SH3RF2: variants seen among roughly 807,000 people sequenced by gnomAD.
The protein encoded by SH3RF2 is SH3 domain containing ring finger 2.
A neutral mutation model predicts 59.0 loss-of-function variants in SH3RF2; 43 were observed. That is an observed-to-expected ratio of 0.73 (90% CI 0.57 to 0.94). SH3RF2 has a LOEUF of 0.94. Among genes scored for constraint, SH3RF2 ranks in the 40% least tolerant of loss-of-function variants. The pLI is 0.00. For synonymous variants in SH3RF2, 391 were observed against 391.5 expected (o/e 1.00, Z 0.01); for missense variants, 930 against 940.1 (o/e 0.99, Z 0.14).
At chr5:146,010,444 G>C (rs1438925775) in intron 4 of SH3RF2, among the ~76,000 whole-genome samples, 2 of 152,150 alleles carry the variant, frequency 1.3e-5, no homozygotes, top group Non-Finnish European at 2.9e-5. Flanking sequence ...GATCCTTGAG[G>C]AATCGCCACA....
At chr5:145,988,492 T>A (rs1369133681) in intron 2 of SH3RF2, among the ~76,000 whole-genome samples, 1 of 152,062 alleles carries the variant, frequency 6.6e-6, no homozygotes, top group Non-Finnish European at 1.5e-5. Flanking sequence ...AGCCCCAATT[T>A]GTGGATGGTC....
chr5:146,075,529 G>A (rs528828992), intron 9 of SH3RF2, among the ~76,000 whole-genome samples: 2 of 152,280 alleles, frequency 1.3e-5, no homozygotes, highest in African/African-American at 4.8e-5. Context: ...TTGAGTGAAA[G>A]TACAGACAGA....
At chr5:146,025,075 A>AT (rs1761480699) in intron 5 of SH3RF2, among the ~76,000 whole-genome samples, 2 of 152,208 alleles carry the variant, frequency 1.3e-5, no homozygotes, top group South Asian at 4.1e-4. Context: ...CTTCCATAAT[A>AT]TTGAGCTATT....
chr5:145,937,973 C>T lies in SH3RF2; in HGVS notation c.45C>T (p.Cys15=), dbSNP rs200680123. The T allele has an allele frequency of 4.8e-4, 781 of 1,614,170 alleles. 1 individual carries two copies. Among genetic ancestry groups the T allele is most frequent in the Non-Finnish European group, 6.4e-4 (757 of 1,180,036 alleles). Residue 15 remains cysteine (C), a synonymous_variant, in exon 2 of 10, where the codon TGC becomes TGT. Transcript: ENST00000359120. ...TTGATCTTCTGGAGTGCCCTGTGTG[C>T]TTTGAGAAGCTCGATGTCACAGCCA... ...TLLDLLECPV[C]FEKLDVTAKV... is the part of the protein sequence containing the mutation.
intron 2 of SH3RF2, among the ~76,000 whole-genome samples, chr5:145,981,879 C>T (rs541470066): frequency 2.0e-5 from 3 of 152,292 alleles, no homozygotes; most frequent in Admixed American, 6.5e-5. Flanking sequence ...AGCAGCAGTG[C>T]TTCTAGAGGC....
chr5:146,015,040 G>A (rs1490651345), intron 5 of SH3RF2, among the ~76,000 whole-genome samples: 1 of 152,124 alleles, frequency 6.6e-6, no homozygotes, highest in Non-Finnish European at 1.5e-5. Flanking sequence ...AACTCAACTT[G>A]TGCTGATGTG....
At chr5:145,952,520 CAAT>C (rs1269229072) in intron 2 of SH3RF2, among the ~76,000 whole-genome samples, 2 of 152,132 alleles carry the variant, frequency 1.3e-5, no homozygotes, top group South Asian at 2.1e-4. Context: ...TTCTACATTT[CAAT>C]AATAATAACC....
downstream of SH3RF2, among the ~76,000 whole-genome samples, chr5:146,064,714 GAAAGA>G (rs1763026196): frequency 3.8e-5 from 1 of 26,230 alleles, no homozygotes; most frequent in African/African-American, 1.4e-4. Flanking sequence ...AAGAAAGAAA[GAAAGA>G]AAGAAAGAAA....
intron 2 of SH3RF2, chr5:145,997,821 G>C: frequency 6.9e-7 from 1 of 1,456,520 alleles, no homozygotes; most frequent in South Asian, 1.1e-5. Flanking sequence ...ATCCCCCGCC[G>C]AAATAGAAGT....
chr5:145,978,327 C>T (rs1261484110), intron 2 of SH3RF2, among the ~76,000 whole-genome samples: 1 of 152,318 alleles, frequency 6.6e-6, no homozygotes, highest in East Asian at 1.9e-4. Context: ...CTGGCCAGCA[C>T]ATTCATAGAA....
At chr5:145,994,198 A>C (rs1402461845) in intron 2 of SH3RF2, among the ~76,000 whole-genome samples, 1 of 152,182 alleles carries the variant, frequency 6.6e-6, no homozygotes, top group Non-Finnish European at 1.5e-5. Flanking sequence ...AGACCACCTC[A>C]GCCTGGACCT....
intron 7 of SH3RF2, among the ~76,000 whole-genome samples, chr5:146,051,577 G>A (rs969577497): frequency 1.3e-5 from 2 of 152,098 alleles, no homozygotes; most frequent in Non-Finnish European, 2.9e-5. Flanking sequence ...GATCCAAGGT[G>A]AGAGCAAGTT....
intron 2 of SH3RF2, among the ~76,000 whole-genome samples, chr5:145,969,729 T>A (rs1019366085): frequency 6.6e-6 from 1 of 151,134 alleles, no homozygotes; most frequent in African/African-American, 2.4e-5. Context: ...AGCGAGACAC[T>A]CTTTCTAAAA....
chr5:146,064,280 G>A (rs1387643248), downstream of SH3RF2, among the ~76,000 whole-genome samples: 1 of 151,990 alleles, frequency 6.6e-6, no homozygotes, highest in African/African-American at 2.4e-5. Flanking sequence ...CCCTGACAGG[G>A]TGAGGAAAGA....
At chr5:146,027,218 G>T (rs73313903) in intron 5 of SH3RF2, among the ~76,000 whole-genome samples, 3 of 152,188 alleles carry the variant, frequency 2.0e-5, no homozygotes, top group South Asian at 2.1e-4. Flanking sequence ...CTGTAATTCC[G>T]TGTGAACCCA....
chr5:146,027,080 ATC>A (rs1377753468), intron 5 of SH3RF2, among the ~76,000 whole-genome samples: 1 of 152,198 alleles, frequency 6.6e-6, no homozygotes, highest in Non-Finnish European at 1.5e-5. Context: ...TTCAGAGATG[ATC>A]TGTTGGAGCC....
chr5:146,020,661 A>G (rs1483969476), intron 5 of SH3RF2, among the ~76,000 whole-genome samples: 1 of 152,156 alleles, frequency 6.6e-6, no homozygotes, highest in Non-Finnish European at 1.5e-5. Context: ...TTACACTATA[A>G]ATACCACATA....
chr5:146,018,184 T>C (rs770618798), intron 5 of SH3RF2, among the ~76,000 whole-genome samples: 58 of 152,196 alleles, frequency 3.8e-4, no homozygotes, highest in Non-Finnish European at 7.1e-4. Context: ...GAGATTTTAA[T>C]GTACCCATCA....
At chr5:145,990,851 A>G (rs1759906979) in intron 2 of SH3RF2, among the ~76,000 whole-genome samples, 1 of 152,172 alleles carries the variant, frequency 6.6e-6, no homozygotes, top group Non-Finnish European at 1.5e-5. Context: ...ATCTGTAGAG[A>G]CAGAAAACAA....
Sources: gnomAD v4.1 joint callset for allele counts (sites outside exome capture counted in the v4.1 genomes callset) on GRCh38, gnomAD v4.1.1 for gene constraint, MANE v1.5 for transcripts, NCBI Gene and HGNC (gene_info 2026-07-23, HGNC 2026-07-21) for gene names.